The following UBE2G1 variants were observed in gnomAD, a reference collection of about 807,000 sequenced individuals.
The protein encoded by UBE2G1 is ubiquitin conjugating enzyme E2 G1.
Under a neutral mutation model 22.7 loss-of-function variants are expected in UBE2G1, and 5 were observed. The ratio of observed to expected loss-of-function variants is 0.22; its 90% CI spans 0.12 to 0.46. The LOEUF (loss-of-function observed/expected upper bound fraction) is 0.46, where lower values mean the gene tolerates loss of function less well. Ranked by LOEUF, UBE2G1 falls within the 20% of genes least tolerant of loss-of-function variation. UBE2G1 has a pLI of 0.99. For synonymous variants in UBE2G1, 74 were observed against 67.5 expected (o/e 1.10, Z -0.47); for missense variants, 88 against 203.9 (o/e 0.43, Z 3.46).
At chr17:4,301,318 C>G in intron 2 of UBE2G1, 1 of 435,286 alleles carries the variant, frequency 2.3e-6, no homozygotes, top group South Asian at 2.0e-5. Context: ...GTTGTCACCC[C>G]TTTTGCCTCT....
rs1307422144 is a variant in UBE2G1 at position 4,357,903 on chromosome 17, C to G, written c.46+8368G>C. ...CTGCTTGAGCCCAGGAGTTCAAAAC[C>G]AGCCTGGGCAACACAGCAAGACCCC... On this transcript the variant is annotated intron_variant, in intron 1 of 5. Coordinates refer to ENST00000396981, the MANE Select transcript of UBE2G1 (RefSeq NM_003342.5). 3.9e-5 allele frequency among the ~76,000 whole-genome samples: 6 copies of G among 152,026 alleles called. No homozygotes were observed. In the East Asian group the frequency reaches 1.2e-3, roughly 29 times the overall value.
At chr17:4,313,283 T>C (rs1236695591) in intron 1 of UBE2G1, among the ~76,000 whole-genome samples, 1 of 152,160 alleles carries the variant, frequency 6.6e-6, no homozygotes, top group East Asian at 1.9e-4. Context: ...AGTACAGCAA[T>C]AAAGTCTAAA....
chr17:4,364,772 G>A (rs957770560), intron 1 of UBE2G1, among the ~76,000 whole-genome samples: 1 of 151,216 alleles, frequency 6.6e-6, no homozygotes, highest in African/African-American at 2.4e-5. Context: ...GTAGTGACGG[G>A]GGTTTCACCA....
intron 1 of UBE2G1, among the ~76,000 whole-genome samples, chr17:4,333,003 T>C (rs1969597999): frequency 6.6e-6 from 1 of 152,184 alleles, no homozygotes; most frequent in Non-Finnish European, 1.5e-5. Flanking sequence ...TATTTACTGA[T>C]ATAGCCCCAG....
Position 4,366,479 on chromosome 17 carries a change from C to G in UBE2G1, c.-163G>C. 2 of 577,444 alleles carry G rather than the reference C, an allele frequency of 3.5e-6. No homozygotes were observed. Among genetic ancestry groups the G allele is most frequent in the Non-Finnish European group, 5.4e-6 (2 of 369,694 alleles). The allele number at this position is 577,444 out of a possible 1,614,324, so 35.8% of individuals were successfully genotyped here. A position where few individuals can be genotyped will look rare whatever the true frequency, so the allele number is the denominator to read the frequency against. On this transcript the variant is annotated 5_prime_UTR_variant, in exon 1 of 6. Coordinates refer to ENST00000396981, the MANE Select transcript of UBE2G1 (RefSeq NM_003342.5). Reference sequence around the variant, plus strand: ...GGCGGCGGGAGCGGCGCCTCGCTGCCGGTGCGAGTCCGCTCGCTTCAGCTC... The same window carrying G: ...GGCGGCGGGAGCGGCGCCTCGCTGCGGGTGCGAGTCCGCTCGCTTCAGCTC...
At chr17:4,344,426 G>A (rs1486403720) in intron 1 of UBE2G1, among the ~76,000 whole-genome samples, 1 of 152,008 alleles carries the variant, frequency 6.6e-6, no homozygotes, top group East Asian at 1.9e-4. Context: ...TGTAGTGCCA[G>A]CTACTCGGGA....
chr17:4,313,756 T>C (rs1969337499), intron 1 of UBE2G1, among the ~76,000 whole-genome samples: 2 of 152,200 alleles, frequency 1.3e-5, no homozygotes. Flanking sequence ...CCTGTCAATG[T>C]TATACTTCAA....
intron 1 of UBE2G1, among the ~76,000 whole-genome samples, chr17:4,336,579 C>T (rs1969650914): frequency 6.6e-6 from 1 of 151,886 alleles, no homozygotes; most frequent in African/African-American, 2.4e-5. Flanking sequence ...TGCCCAGGCT[C>T]AAGTACAATG....
intron 4 of UBE2G1, 122 bp from the exon 5 acceptor site, chr17:4,283,043 GT>G (rs1193880341): frequency 1.5e-5 from 12 of 810,772 alleles, no homozygotes; most frequent in Non-Finnish European, 1.9e-5. Context: ...ACATTATAGA[GT>G]TGAAAAGGTA....
intron 5 of UBE2G1, among the ~76,000 whole-genome samples, chr17:4,278,194 C>A (rs1300910409): frequency 6.6e-6 from 1 of 152,230 alleles, no homozygotes; most frequent in South Asian, 2.1e-4. Flanking sequence ...GCCACCGCGC[C>A]CGGCCTAAGG....
At chr17:4,295,030 A>G (rs1969092738) in intron 3 of UBE2G1, among the ~76,000 whole-genome samples, 2 of 152,198 alleles carry the variant, frequency 1.3e-5, no homozygotes, top group African/African-American at 4.8e-5. Flanking sequence ...CAAGCTAGCT[A>G]GCTTAAGGCT....
chr17:4,333,684 G>C (rs879384042), intron 1 of UBE2G1, among the ~76,000 whole-genome samples: 1 of 152,044 alleles, frequency 6.6e-6, no homozygotes, highest in Non-Finnish European at 1.5e-5. Context: ...AGATGGGTGT[G>C]GTGGCACGCA....
At chr17:4,282,775 T>C (rs1442764981) in intron 5 of UBE2G1, 23 bp downstream of exon 5, 1 of 1,490,254 alleles carries the variant, frequency 6.7e-7, no homozygotes, top group East Asian at 2.3e-5. Flanking sequence ...AAAACAAAAG[T>C]ATGATATTTA....
chr17:4,347,469 C>CTTCTTT (rs1365147905), intron 1 of UBE2G1, among the ~76,000 whole-genome samples: 30 of 89,556 alleles, frequency 3.3e-4, no homozygotes, highest in Non-Finnish European at 5.3e-4. Context: ...AGTATTTCTT[C>CTTCTTT]TTTTTTTTTT....
intron 4 of UBE2G1, among the ~76,000 whole-genome samples, chr17:4,284,493 C>T (rs1484696938): frequency 2.6e-5 from 4 of 151,242 alleles, no homozygotes; most frequent in Non-Finnish European, 5.9e-5. Context: ...CCCTGTTACT[C>T]AGGAGGCTGA....
chr17:4,365,735 C>G (rs1970026120), intron 1 of UBE2G1, among the ~76,000 whole-genome samples: 1 of 152,210 alleles, frequency 6.6e-6, no homozygotes, highest in African/African-American at 2.4e-5. Flanking sequence ...GAGGCCAGCG[C>G]TTTTGTTGTC....
At chr17:4,344,708 G>C (rs954260529) in intron 1 of UBE2G1, among the ~76,000 whole-genome samples, 5 of 151,966 alleles carry the variant, frequency 3.3e-5, no homozygotes, top group Admixed American at 3.3e-4. Context: ...ATAAAACTTA[G>C]CTGGGTGTGG....
chr17:4,276,536 A>G (rs1047641640), intron 5 of UBE2G1, among the ~76,000 whole-genome samples: 1 of 152,186 alleles, frequency 6.6e-6, no homozygotes, highest in African/African-American at 2.4e-5. Context: ...CAGTCTTTAC[A>G]GGTCAGTATA....
chr17:4,336,338 A>G (rs866814566), intron 1 of UBE2G1, among the ~76,000 whole-genome samples: 1 of 152,316 alleles, frequency 6.6e-6, no homozygotes, highest in Middle Eastern at 3.4e-3. Flanking sequence ...AGAGACTTTG[A>G]GAAGTTAAAG....
Sources: allele counts gnomAD v4.1 joint callset (sites outside exome capture counted in the v4.1 genomes callset), GRCh38; gene constraint gnomAD v4.1.1; transcripts MANE v1.5; gene names NCBI Gene and HGNC (gene_info 2026-07-23, HGNC 2026-07-21).